LSAMP: variants seen among roughly 807,000 people sequenced by gnomAD.
LSAMP encodes limbic system associated membrane protein.
A neutral mutation model predicts 38.6 loss-of-function variants in LSAMP; 7 were observed. The observed-to-expected ratio is 0.18, with a 90% CI of 0.10 to 0.34. LSAMP has a LOEUF of 0.34. LSAMP is among the 10% of genes least tolerant of loss of function. LSAMP has a pLI of 1.00. For synonymous variants in LSAMP, 154 were observed against 166.8 expected (o/e 0.92, Z 0.59); for missense variants, 313 against 420.0 (o/e 0.75, Z 2.23).
At chr3:116,343,927 C>T (rs2107756793) in intron 1 of LSAMP, among the ~76,000 whole-genome samples, 1 of 152,086 alleles carries the variant, frequency 6.6e-6, no homozygotes, top group Admixed American at 6.6e-5. Flanking sequence ...CACTATAAGA[C>T]TGTAAATGTA....
At chr3:116,036,968 T>C (rs1357261061) in intron 2 of LSAMP, among the ~76,000 whole-genome samples, 3 of 152,172 alleles carry the variant, frequency 2.0e-5, no homozygotes, top group Admixed American at 6.5e-5. Flanking sequence ...TCTTGGTATC[T>C]TTTGTACCTG....
intron 1 of LSAMP, among the ~76,000 whole-genome samples, chr3:116,385,601 T>C (rs1412599822): frequency 1.3e-5 from 2 of 152,140 alleles, no homozygotes; most frequent in African/African-American, 4.8e-5. Flanking sequence ...AATTTAAGGA[T>C]TCACAAAAGT....
At chr3:116,060,540 C>T (rs891976450) in intron 2 of LSAMP, among the ~76,000 whole-genome samples, 1 of 152,186 alleles carries the variant, frequency 6.6e-6, no homozygotes, top group African/African-American at 2.4e-5. Flanking sequence ...GCGGGTGGAT[C>T]ATCTGAGGTC....
In LSAMP at chr3:115,903,896, A is replaced by T. The variant is rs183731475; in HGVS notation, c.515-51279T>A. Among the ~76,000 whole-genome samples the T allele has an allele frequency of 1.7e-4, 26 of 152,302 alleles. No individual in the cohort carries two copies. In the East Asian group the frequency reaches 3.1e-3, roughly 18 times the overall value. On this transcript the variant is annotated intron_variant, in intron 3 of 6. Coordinates refer to ENST00000490035, the MANE Select transcript of LSAMP (RefSeq NM_002338.5). Reference sequence around the variant, plus strand: ...AGACATTATATTATAACTTGTTTTTAAAAAATAAAGTCTTCCCTCCAAAAT... The same window carrying T: ...AGACATTATATTATAACTTGTTTTTTAAAAATAAAGTCTTCCCTCCAAAAT...
At chr3:116,277,972 CT>C (rs1026553133) in intron 1 of LSAMP, among the ~76,000 whole-genome samples, 1 of 152,156 alleles carries the variant, frequency 6.6e-6, no homozygotes, top group African/African-American at 2.4e-5. Context: ...TACTGTAACA[CT>C]ATTTAACATT....
chr3:116,066,085 C>T (rs1435680177), intron 2 of LSAMP, among the ~76,000 whole-genome samples: 3 of 152,018 alleles, frequency 2.0e-5, no homozygotes, highest in African/African-American at 2.4e-5. Flanking sequence ...TTCTGGAGAC[C>T]GAGAAGTCAA....
chr3:115,836,653 C>A (rs1235725964), intron 6 of LSAMP, among the ~76,000 whole-genome samples: 1 of 151,136 alleles, frequency 6.6e-6, no homozygotes, highest in Non-Finnish European at 1.5e-5. Flanking sequence ...TGGTTTCTTA[C>A]CTGCTAAGTG....
chr3:115,975,965 A>C (rs1190151179), intron 3 of LSAMP, among the ~76,000 whole-genome samples: 1 of 152,186 alleles, frequency 6.6e-6, no homozygotes, highest in Non-Finnish European at 1.5e-5. Context: ...GAAACCTTAC[A>C]GGGAACTTTA....
chr3:115,908,278 C>T (rs1576207704), intron 3 of LSAMP, among the ~76,000 whole-genome samples: 1 of 152,028 alleles, frequency 6.6e-6, no homozygotes, highest in African/African-American at 2.4e-5. Flanking sequence ...ACCTACCCCT[C>T]AATATCCAAT....
chr3:115,888,477 T>A (rs1474443375), intron 3 of LSAMP, among the ~76,000 whole-genome samples: 1 of 151,968 alleles, frequency 6.6e-6, no homozygotes, highest in Non-Finnish European at 1.5e-5. Flanking sequence ...CCCAGTCTTC[T>A]GGTATAAATC....
At chr3:116,184,645 G>C (rs760912528) in intron 1 of LSAMP, among the ~76,000 whole-genome samples, 1 of 151,878 alleles carries the variant, frequency 6.6e-6, no homozygotes, top group South Asian at 2.1e-4. Context: ...AGGCACACTT[G>C]AGCTTCAGAT....
intron 1 of LSAMP, among the ~76,000 whole-genome samples, chr3:116,165,650 G>A (rs1710032689): frequency 6.6e-6 from 1 of 152,130 alleles, no homozygotes; most frequent in Admixed American, 6.5e-5. Context: ...AATTAAGGAT[G>A]GTCCAGATAG....
At chr3:116,047,058 A>G (rs1027154129) in intron 2 of LSAMP, among the ~76,000 whole-genome samples, 1 of 152,174 alleles carries the variant, frequency 6.6e-6, no homozygotes, top group Non-Finnish European at 1.5e-5. Context: ...TACTTAACTG[A>G]TGCTGGAATG....
At chr3:115,834,084 C>T (rs1346648700) in intron 6 of LSAMP, among the ~76,000 whole-genome samples, 2 of 151,796 alleles carry the variant, frequency 1.3e-5, no homozygotes, top group African/African-American at 4.8e-5. Context: ...GAAAAAATAA[C>T]ATCTTTGTTA....
At chr3:116,208,660 G>T (rs576871086) in intron 1 of LSAMP, among the ~76,000 whole-genome samples, 1 of 152,124 alleles carries the variant, frequency 6.6e-6, no homozygotes, top group Non-Finnish European at 1.5e-5. Flanking sequence ...ATACCCTGCC[G>T]TGTGAGGTGT....
intron 1 of LSAMP, among the ~76,000 whole-genome samples, chr3:116,443,177 A>T (rs1483618905): frequency 1.3e-5 from 2 of 152,204 alleles, no homozygotes; most frequent in Non-Finnish European, 2.9e-5. Context: ...GATGTTAGGG[A>T]GTATGAATGT....
At chr3:115,884,597 A>T (rs1195605333) in intron 3 of LSAMP, among the ~76,000 whole-genome samples, 1 of 152,048 alleles carries the variant, frequency 6.6e-6, no homozygotes, top group Non-Finnish European at 1.5e-5. Flanking sequence ...TGTATAGAAG[A>T]TGACTACGGA....
chr3:116,229,666 G>A (rs1482367951), intron 1 of LSAMP, among the ~76,000 whole-genome samples: 1 of 151,958 alleles, frequency 6.6e-6, no homozygotes, highest in Non-Finnish European at 1.5e-5. Flanking sequence ...AAATTTAAAA[G>A]TACCATTTGT....
intron 1 of LSAMP, among the ~76,000 whole-genome samples, chr3:116,181,897 T>C (rs1251941895): frequency 1.3e-5 from 2 of 151,998 alleles, no homozygotes; most frequent in Non-Finnish European, 2.9e-5. Flanking sequence ...ATCAAGAATC[T>C]ATATTTTGAT....
Sources: allele counts gnomAD v4.1 joint callset (sites outside exome capture counted in the v4.1 genomes callset), GRCh38; gene constraint gnomAD v4.1.1; transcripts MANE v1.5; gene names NCBI Gene and HGNC (gene_info 2026-07-23, HGNC 2026-07-21).